LARGE1: variants seen among roughly 807,000 people sequenced by gnomAD.
The protein encoded by LARGE1 is xylosyl- and glucuronyltransferase LARGE1.
Under a neutral mutation model 87.6 loss-of-function variants are expected in LARGE1, and 43 were observed. That is an observed-to-expected ratio of 0.49 (90% confidence interval 0.38 to 0.63). LARGE1 has a LOEUF of 0.63. LARGE1 is among the 30% of genes least tolerant of loss of function. The pLI, the probability that LARGE1 is intolerant of heterozygous loss-of-function variation, is 0.00. For missense variants in LARGE1, 802 were observed against 1,000.2 expected (o/e 0.80, Z 2.67); for synonymous variants, 434 against 394.6 (o/e 1.10, Z -1.18).
chr22:33,119,980 C>T, the LARGE1 span, among the ~76,000 whole-genome samples: 1 of 151,740 alleles, frequency 6.6e-6, no homozygotes, highest in African/African-American at 2.4e-5. Context: ...ATTCCAAGAT[C>T]TCAGAGAGAT....
intron 3 of LARGE1, among the ~76,000 whole-genome samples, chr22:33,641,564 T>C (rs1338556717): frequency 6.6e-6 from 1 of 152,128 alleles, no homozygotes; most frequent in African/African-American, 2.4e-5. Flanking sequence ...CTTCAGAAGC[T>C]GGGTAATAAC....
chr22:33,359,689 G>A (rs1020883287), intron 9 of LARGE1, among the ~76,000 whole-genome samples: 6 of 147,714 alleles, frequency 4.1e-5, no homozygotes, highest in Non-Finnish European at 9.0e-5. Flanking sequence ...TCAGCTTCTC[G>A]AGTAGCTGGG....
At chr22:33,545,724 C>A (rs1253377952) in intron 6 of LARGE1, among the ~76,000 whole-genome samples, 1 of 152,128 alleles carries the variant, frequency 6.6e-6, no homozygotes, top group Non-Finnish European at 1.5e-5. Flanking sequence ...CAGGCATGAG[C>A]CCCTGCGCCC....
chr22:33,220,349 T>G (rs562119293), intron 11 of LARGE1, among the ~76,000 whole-genome samples: 1 of 152,300 alleles, frequency 6.6e-6, no homozygotes, highest in South Asian at 2.1e-4. Flanking sequence ...CTTTGGTTTT[T>G]GCTTTAGCAG....
chr22:33,567,746 C>T (rs565889573), intron 5 of LARGE1, among the ~76,000 whole-genome samples: 1 of 152,130 alleles, frequency 6.6e-6, no homozygotes, highest in Admixed American at 6.5e-5. Flanking sequence ...CAATTTCTCA[C>T]CCCTCACACA....
intron 3 of LARGE1, among the ~76,000 whole-genome samples, chr22:33,649,297 A>G (rs1045318018): frequency 4.6e-5 from 7 of 152,184 alleles, no homozygotes; most frequent in African/African-American, 1.7e-4. Context: ...GGATAGTATC[A>G]CCAATATTAC....
intron 11 of LARGE1, among the ~76,000 whole-genome samples, chr22:33,250,716 T>G (rs989641367): frequency 2.0e-5 from 3 of 152,214 alleles, no homozygotes; most frequent in African/African-American, 4.8e-5. Flanking sequence ...CATGATTGAC[T>G]TTTGGATTCT....
At chr22:33,405,246 G>T (rs939956821) in intron 7 of LARGE1, among the ~76,000 whole-genome samples, 1 of 152,190 alleles carries the variant, frequency 6.6e-6, no homozygotes, top group African/African-American at 2.4e-5. Context: ...TGCAAATTCT[G>T]TGTCATTGTA....
chr22:33,565,256 AATT>A (rs2077988359), intron 5 of LARGE1, among the ~76,000 whole-genome samples: 1 of 152,218 alleles, frequency 6.6e-6, no homozygotes, highest in Admixed American at 6.5e-5. Flanking sequence ...GTTATGAAAT[AATT>A]ATTACTGCAA....
At chr22:33,621,425 C>T (rs1374344287) in intron 4 of LARGE1, among the ~76,000 whole-genome samples, 3 of 136,176 alleles carry the variant, frequency 2.2e-5, no homozygotes, top group African/African-American at 8.6e-5. Context: ...AATATGTCAT[C>T]AAGCATATGG....
intron 2 of LARGE1, among the ~76,000 whole-genome samples, chr22:33,708,358 A>G (rs1403948391): frequency 2.0e-5 from 3 of 152,120 alleles, no homozygotes; most frequent in South Asian, 4.1e-4. Context: ...TGTGGTGGCC[A>G]ATGCGTAGAC....
At chr22:33,702,125 C>G (rs2082420441) in intron 2 of LARGE1, among the ~76,000 whole-genome samples, 1 of 152,204 alleles carries the variant, frequency 6.6e-6, no homozygotes, top group Non-Finnish European at 1.5e-5. Flanking sequence ...GCACTAGGAA[C>G]AATGCTTGGC....
intron 1 of LARGE1, among the ~76,000 whole-genome samples, chr22:33,789,285 T>G (rs181293597): frequency 2.0e-5 from 3 of 152,014 alleles, no homozygotes; most frequent in Admixed American, 2.0e-4. Context: ...GGCCTGGGGG[T>G]AAAGAGAAGT....
chr22:33,166,475 C>G (rs1374317985), exon 12 of LARGE1: 1 of 301,336 alleles, frequency 3.3e-6, no homozygotes, highest in East Asian at 8.9e-5. Context: ...AATCTTACCA[C>G]GGGGATGTTC....
At chr22:33,881,682 C>T (rs2064688095) in intron 1 of LARGE1, among the ~76,000 whole-genome samples, 1 of 152,164 alleles carries the variant, frequency 6.6e-6, no homozygotes, top group Admixed American at 6.5e-5. Flanking sequence ...AGAATATAGA[C>T]CCATGGACCT....
At chr22:33,857,654 G>A (rs2063792865) in intron 1 of LARGE1, among the ~76,000 whole-genome samples, 1 of 152,196 alleles carries the variant, frequency 6.6e-6, no homozygotes, top group South Asian at 2.1e-4. Flanking sequence ...TCTCGCCTTT[G>A]ACACCATAAA....
rs552767453 is a variant in LARGE1, at chr22:33,559,802, A to C, written c.787+5046T>G. ...CTTAAAGATGATGTTCTCGGAGGTC[A>C]CATGCTGGGCCAGAATTCTGGAGAC... On this transcript the variant is annotated intron_variant, in intron 6 of 14. Coordinates refer to ENST00000397394, the MANE Select transcript of LARGE1 (RefSeq NM_133642.5). Among the ~76,000 whole-genome samples the C allele has an allele frequency of 2.0e-5, 3 of 152,240 alleles. No homozygotes were observed. In the South Asian group the frequency reaches 6.3e-4, roughly 32 times the overall value.
chr22:33,755,807 T>G (rs986070929), intron 2 of LARGE1, among the ~76,000 whole-genome samples: 3 of 152,198 alleles, frequency 2.0e-5, no homozygotes, highest in Admixed American at 6.5e-5. Context: ...AGTGCTCAGT[T>G]AGACACTGGG....
intron 3 of LARGE1, among the ~76,000 whole-genome samples, chr22:33,636,552 G>C (rs2080272639): frequency 6.6e-6 from 1 of 152,112 alleles, no homozygotes; most frequent in Non-Finnish European, 1.5e-5. Flanking sequence ...ATTTATTTCA[G>C]GGTCTTGCTC....
Sources: allele counts gnomAD v4.1 joint callset (sites outside exome capture counted in the v4.1 genomes callset), GRCh38; gene constraint gnomAD v4.1.1; transcripts MANE v1.5; gene names NCBI Gene and HGNC (gene_info 2026-07-23, HGNC 2026-07-21).